The following FLI1 variants were observed in gnomAD, a reference collection of about 807,000 sequenced individuals.
FLI1 encodes Friend leukemia integration 1 transcription factor.
FLI1 carries 13 observed loss-of-function variants against 53.1 expected under a neutral mutation model. The observed-to-expected ratio is 0.24, with a 90% confidence interval of 0.16 to 0.39. FLI1 has a LOEUF of 0.39. FLI1 is among the 10% of genes least tolerant of loss of function. FLI1 has a pLI of 1.00. For synonymous variants in FLI1, 244 were observed against 236.7 expected, an observed-to-expected ratio of 1.03 and a Z score of -0.28; for missense variants, 424 against 600.5, an observed-to-expected ratio of 0.71 and a Z score of 3.07.
At chr11:128,748,214 A>G (rs1940488877) in intron 1 of FLI1, 3 of 965,472 alleles carry the variant, frequency 3.1e-6, no homozygotes, top group Non-Finnish European at 3.7e-6. Context: ...TCGTCTGCAA[A>G]TAATTGCAAT....
At chr11:128,764,935 T>A in intron 2 of FLI1, 1 of 1,178,766 alleles carries the variant, frequency 8.5e-7, no homozygotes, top group Non-Finnish European at 1.2e-6. Flanking sequence ...CTGCAGGTCC[T>A]AGTGCAGAAG....
At chr11:128,809,567 CAAGTTCAT>C (rs1942883525) in intron 8 of FLI1, among the ~76,000 whole-genome samples, 2 of 152,182 alleles carry the variant, frequency 1.3e-5, no homozygotes, top group African/African-American at 4.8e-5. Flanking sequence ...ATGCCAGGCA[CAAGTTCAT>C]AAATATTCCA....
At chr11:128,704,011 T>A (rs1370659964) in intron 1 of FLI1, among the ~76,000 whole-genome samples, 1 of 152,158 alleles carries the variant, frequency 6.6e-6, no homozygotes, top group Non-Finnish European at 1.5e-5. Context: ...TCCGGAGACC[T>A]GAGTTCCAGC....
At chr11:128,809,022 C>A in intron 7 of FLI1, 135 bp from the exon 8 acceptor site, 1 of 611,252 alleles carries the variant, frequency 1.6e-6, no homozygotes, top group South Asian at 2.3e-5. Context: ...CAAATAAAAG[C>A]AGTAAAGTTT....
At chr11:128,694,341 T>A in intron 1 of FLI1, 65 bp downstream of exon 1, 1 of 1,232,470 alleles carries the variant, frequency 8.1e-7, no homozygotes, top group Non-Finnish European at 1.0e-6. Context: ...GGCGGGCGGG[T>A]AGGTGCGGGG....
intron 5 of FLI1, among the ~76,000 whole-genome samples, chr11:128,797,382 C>T (rs1464145585): frequency 6.6e-6 from 1 of 152,216 alleles, no homozygotes; most frequent in Admixed American, 6.5e-5. Flanking sequence ...TCCAGAGGGA[C>T]TTTGAGACCA....
At chr11:128,747,847 C>T (rs576767230) in intron 1 of FLI1, among the ~76,000 whole-genome samples, 12 of 152,278 alleles carry the variant, frequency 7.9e-5, no homozygotes, top group Middle Eastern at 3.4e-3. Context: ...ATGTTCTCTT[C>T]GTGGGGTTCA....
Position 128,772,826 on chromosome 11 carries a change from T to C in FLI1, c.430T>C (p.Trp144Arg). 1 of 1,613,644 alleles carries C rather than the reference T, an allele frequency of 6.2e-7. No homozygotes were observed. Among genetic ancestry groups the C allele is most frequent in the Non-Finnish European group, 8.5e-7 (1 of 1,179,798 alleles). The change falls in exon 4 of 9, where the codon TGG (tryptophan) becomes CGG (arginine). Residue 144 changes from tryptophan (W) to arginine (R), a missense_variant. Physicochemically the swap from Trp to Arg is moderately radical, Grantham distance 101. Transcript: ENST00000527786. ...TQEHVRQWLE[W>R]AIKEYSLMEI... ...GGAGCATGTGAGGCAATGGCTGGAGTGGGCCATAAAGGAGTACAGCTTGAT... is the reference window on the plus strand; with the variant it reads ...GGAGCATGTGAGGCAATGGCTGGAGCGGGCCATAAAGGAGTACAGCTTGAT...
chr11:128,748,589 C>T (rs1035268545), intron 1 of FLI1, among the ~76,000 whole-genome samples: 5 of 151,640 alleles, frequency 3.3e-5, no homozygotes, highest in East Asian at 1.9e-4. Context: ...GCTGAGATCG[C>T]GCCTCTGCAC....
intron 6 of FLI1, chr11:128,806,000 A>G (rs1158002989): frequency 6.6e-6 from 1 of 151,922 alleles, no homozygotes; most frequent in Non-Finnish European, 1.5e-5. Flanking sequence ...AGTCTACCCA[A>G]TATCCCCCAG....
chr11:128,744,571 T>C (rs376228877), intron 1 of FLI1, among the ~76,000 whole-genome samples: 130 of 152,298 alleles, frequency 8.5e-4, no homozygotes, highest in African/African-American at 2.8e-3. Context: ...AAGTGGTAGA[T>C]GTAGAATTCA....
chr11:128,699,827 T>C (rs1205864009), intron 1 of FLI1, among the ~76,000 whole-genome samples: 2 of 152,178 alleles, frequency 1.3e-5, no homozygotes, highest in African/African-American at 4.8e-5. Context: ...ATTTAGGTAA[T>C]CTATGGAATA....
intron 5 of FLI1, among the ~76,000 whole-genome samples, chr11:128,791,183 G>A (rs1238342295): frequency 6.6e-6 from 1 of 152,170 alleles, no homozygotes; most frequent in African/African-American, 2.4e-5. Context: ...GCGTAGAGGT[G>A]TGATAGTTTT....
Position 128,811,478 on chromosome 11 carries a change from G to C in FLI1, c.*490G>C, listed in dbSNP as rs993462529. The stretch of plus-strand genomic sequence containing the variant: ...GACCAAATTCAGTGGATGGCAACTG[G>C]AACATTGATTGTAAGGCCAGTGAAG... On this transcript the variant is annotated 3_prime_UTR_variant, in exon 9 of 9. Transcript: ENST00000527786. The C allele has an allele frequency of 4.3e-6, 1 of 234,798 alleles. No individual in the cohort carries two copies. Among genetic ancestry groups the C allele is most frequent in the South Asian group, 1.6e-4 (1 of 6,242 alleles). 14.5% of individuals were successfully genotyped at this position (234,798 alleles called of 1,614,324 possible). A position where few individuals can be genotyped will look rare whatever the true frequency, so the allele number is the denominator to read the frequency against.
At chr11:128,740,602 T>C (rs1346436352) in intron 1 of FLI1, among the ~76,000 whole-genome samples, 3 of 152,102 alleles carry the variant, frequency 2.0e-5, no homozygotes, top group Non-Finnish European at 4.4e-5. Flanking sequence ...TAAAAATAAG[T>C]AGGAGGGTTA....
chr11:128,774,970 G>A (rs970642133), intron 4 of FLI1, among the ~76,000 whole-genome samples: 1 of 152,170 alleles, frequency 6.6e-6, no homozygotes, highest in Non-Finnish European at 1.5e-5. Context: ...GGGGGGTATA[G>A]CATGGCAAGA....
intron 4 of FLI1, among the ~76,000 whole-genome samples, chr11:128,776,336 C>T (rs1941726266): frequency 6.6e-6 from 1 of 152,074 alleles, no homozygotes; most frequent in Non-Finnish European, 1.5e-5. Flanking sequence ...GCTGGGGTGG[C>T]CACGGTTCTT....
At chr11:128,730,890 T>C (rs181469603) in intron 1 of FLI1, among the ~76,000 whole-genome samples, 1 of 152,320 alleles carries the variant, frequency 6.6e-6, no homozygotes, top group Admixed American at 6.5e-5. Context: ...GCTGAATGTG[T>C]CCGGAAATCT....
rs1942956397 is a variant in FLI1, at chr11:128,812,305, A to T, written c.*1317A>T. The T allele has an allele frequency of 4.6e-6, 1 of 218,832 alleles. No homozygotes were observed. The highest frequency in any genetic ancestry group is 9.2e-6 in the Non-Finnish European group (1 of 108,914). The allele number at this position is 218,832 out of a possible 1,614,324, so 13.6% of individuals were successfully genotyped here. A position where few individuals can be genotyped will look rare whatever the true frequency, so the allele number is the denominator to read the frequency against. ...TATTTTTAGACATTAAAATATATATAATTTTGCAGGTAATTGTTGACTTTT... is the reference window on the plus strand; with the variant it reads ...TATTTTTAGACATTAAAATATATATTATTTTGCAGGTAATTGTTGACTTTT... On this transcript the variant is annotated 3_prime_UTR_variant, in exon 9 of 9. Coordinates refer to ENST00000527786, the MANE Select transcript of FLI1 (RefSeq NM_002017.5).
Sources: allele counts gnomAD v4.1 joint callset (sites outside exome capture counted in the v4.1 genomes callset), GRCh38; gene constraint gnomAD v4.1.1; transcripts MANE v1.5; gene names NCBI Gene and HGNC (gene_info 2026-07-23, HGNC 2026-07-21).